The following PTH2R variants were observed in gnomAD, a reference collection of about 807,000 sequenced individuals.
The protein encoded by PTH2R is PTH2 receptor.
Under a neutral mutation model 60.3 loss-of-function variants are expected in PTH2R, and 59 were observed. That is an observed-to-expected ratio of 0.98 (90% CI 0.79 to 1.22). The LOEUF (loss-of-function observed/expected upper bound fraction) is 1.22. Ranked by LOEUF, PTH2R falls within the 50% of genes most tolerant of loss-of-function variation. PTH2R has a pLI of 0.00. For missense variants in PTH2R, 749 were observed against 682.6 expected (o/e 1.10, Z -1.08); for synonymous variants, 256 against 243.8 (o/e 1.05, Z -0.47).
chr2:208,361,229 C>A, intron 1 of PTH2R: 1 of 154,698 alleles, frequency 6.5e-6, no homozygotes, highest in South Asian at 1.8e-4. Flanking sequence ...TTTTACCTGC[C>A]CGTTGTGCTC....
rs980259673 is a variant in PTH2R at position 208,375,474 on chromosome 2, A to G, written c.-259+15237A>G. Among the ~76,000 whole-genome samples the G allele has an allele frequency of 1.8e-4, 27 of 152,178 alleles. 1 individual carries two copies. The highest frequency in any genetic ancestry group is 6.3e-4 in the African/African-American group (26 of 41,404). On this transcript the variant is annotated intron_variant, in intron 1 of 12. Transcript: ENST00000617735. ...GTCTGCTCTGTGAAGGCAACGACCT[A>G]TCTTTACTCATTTTTGACTCTGCTA... is the stretch of plus-strand genomic sequence containing the variant.
At chr2:208,427,266 CCTGA>C (rs1305729898) in intron 1 of PTH2R, among the ~76,000 whole-genome samples, 2 of 152,142 alleles carry the variant, frequency 1.3e-5, no homozygotes, top group African/African-American at 4.8e-5. Context: ...TTCAGGTGTG[CCTGA>C]CTGTTTCTAG....
intron 8 of PTH2R, among the ~76,000 whole-genome samples, chr2:208,458,226 A>G (rs924675124): frequency 3.3e-5 from 5 of 152,068 alleles, no homozygotes; most frequent in Non-Finnish European, 2.9e-5. Flanking sequence ...CTACCTACAT[A>G]CTGTTCTAGG....
At chr2:208,482,847 C>T (rs1286655334) in intron 10 of PTH2R, among the ~76,000 whole-genome samples, 1 of 152,148 alleles carries the variant, frequency 6.6e-6, no homozygotes, top group African/African-American at 2.4e-5. Context: ...GGTCGCTTTC[C>T]ATTCCCAGAG....
intron 1 of PTH2R, among the ~76,000 whole-genome samples, chr2:208,377,457 G>A (rs1700816514): frequency 8.6e-6 from 1 of 116,374 alleles, no homozygotes; most frequent in African/African-American, 2.6e-5. Flanking sequence ...GCCGGGCAGA[G>A]GTGCCCCCCA....
chr2:208,397,039 A>G lies in PTH2R; in HGVS notation c.-258-31162A>G, dbSNP rs541097823. Among the ~76,000 whole-genome samples the G allele has an allele frequency of 2.0e-5, 3 of 152,268 alleles. No individual in the cohort carries two copies. The South Asian group carries it at 6.2e-4, about 32-fold the overall frequency. On this transcript the variant is annotated intron_variant, in intron 1 of 12. Transcript: ENST00000617735. Reference sequence around the variant, plus strand: ...GATGAAGCTGGAAACCATCATTCTCAGCAGACTGACCCAAGGACAGAAAAC... The same window carrying G: ...GATGAAGCTGGAAACCATCATTCTCGGCAGACTGACCCAAGGACAGAAAAC...
At chr2:208,374,900 C>G (rs1380309925) in intron 1 of PTH2R, among the ~76,000 whole-genome samples, 1 of 152,060 alleles carries the variant, frequency 6.6e-6, no homozygotes, top group Non-Finnish European at 1.5e-5. Flanking sequence ...TTGGCTAGAT[C>G]CGGTGCTGCA....
At chr2:208,429,884 A>G (rs1282731124) in intron 2 of PTH2R, among the ~76,000 whole-genome samples, 1 of 152,214 alleles carries the variant, frequency 6.6e-6, no homozygotes. Flanking sequence ...ATCTTTGTCT[A>G]TTAACTGAAG....
intron 1 of PTH2R, among the ~76,000 whole-genome samples, chr2:208,410,447 C>A (rs1701517269): frequency 6.6e-6 from 1 of 152,162 alleles, no homozygotes; most frequent in Admixed American, 6.5e-5. Context: ...ATTATGTATA[C>A]ACATGTCCTC....
chr2:208,408,740 AAG>A (rs56107941), intron 1 of PTH2R, among the ~76,000 whole-genome samples: 44 of 123,350 alleles, frequency 3.6e-4, no homozygotes, highest in East Asian at 1.3e-3. Flanking sequence ...GAGAGAGAGA[AAG>A]AGAGAGAGAG....
intron 1 of PTH2R, among the ~76,000 whole-genome samples, chr2:208,377,822 G>C (rs1320950659): frequency 6.6e-6 from 1 of 151,092 alleles, no homozygotes. Context: ...ATGGGCGGCC[G>C]GGCAGAGACG....
chr2:208,403,066 G>A (rs1701339473), upstream of PTH2R, among the ~76,000 whole-genome samples: 1 of 152,096 alleles, frequency 6.6e-6, no homozygotes, highest in African/African-American at 2.4e-5. Flanking sequence ...GGCTTGTTTG[G>A]GGAATCAGGA....
Position 208,493,711 on chromosome 2 carries a change from A to G in PTH2R, c.*52A>G. 1 of 1,503,798 alleles carries G rather than the reference A, an allele frequency of 6.6e-7. No homozygotes were observed. Among genetic ancestry groups the G allele is most frequent in the Non-Finnish European group, 8.9e-7 (1 of 1,123,556 alleles). The allele number at this position is 1,503,798 out of a possible 1,614,324, so 93.2% of individuals were successfully genotyped here. On this transcript the variant is annotated 3_prime_UTR_variant, in exon 13 of 13. Transcript: ENST00000272847. ...GGCTGGTCCAATGGCTGGTTGTGTG[A>G]GAGGGCTTGGCTGATACTCCTATGC...
At chr2:208,379,165 T>C (rs950011863) in intron 1 of PTH2R, among the ~76,000 whole-genome samples, 5 of 152,172 alleles carry the variant, frequency 3.3e-5, no homozygotes, top group African/African-American at 1.2e-4. Context: ...TTTGACACAT[T>C]TGGCTGGGAC....
At chr2:208,457,861 C>CA (rs565527677) in intron 8 of PTH2R, among the ~76,000 whole-genome samples, 14 of 152,046 alleles carry the variant, frequency 9.2e-5, no homozygotes, top group Non-Finnish European at 1.3e-4. Context: ...AAGGAAAAGT[C>CA]AAAATGGTAT....
intron 1 of PTH2R, among the ~76,000 whole-genome samples, chr2:208,364,613 C>G (rs1700542712): frequency 6.6e-6 from 1 of 152,050 alleles, no homozygotes; most frequent in Admixed American, 6.6e-5. Flanking sequence ...CAGTACCACA[C>G]TGTTTTATTC....
At chr2:208,413,575 C>T (rs558092027) in intron 1 of PTH2R, among the ~76,000 whole-genome samples, 1 of 152,196 alleles carries the variant, frequency 6.6e-6, no homozygotes, top group Non-Finnish European at 1.5e-5. Flanking sequence ...CTGCATTAAC[C>T]ATTATTTTTA....
chr2:208,399,180 A>T (rs1382315628), intron 1 of PTH2R, among the ~76,000 whole-genome samples: 3 of 152,234 alleles, frequency 2.0e-5, no homozygotes, highest in Non-Finnish European at 2.9e-5. Context: ...TCCTAAAAAC[A>T]TTTTATACTC....
intron 11 of PTH2R, 92 bp downstream of exon 11, chr2:208,489,242 G>T: frequency 1.3e-6 from 2 of 1,499,980 alleles, no homozygotes; most frequent in Non-Finnish European, 9.1e-7. Flanking sequence ...ACTCTCTCTG[G>T]CTTTGATGCA....
Sources: allele counts gnomAD v4.1 joint callset (sites outside exome capture counted in the v4.1 genomes callset), GRCh38; gene constraint gnomAD v4.1.1; transcripts MANE v1.5; gene names NCBI Gene and HGNC (gene_info 2026-07-23, HGNC 2026-07-21).